MYRIP: variants seen among roughly 807,000 people sequenced by gnomAD.
MYRIP encodes the protein rab effector MyRIP.
MYRIP carries 49 observed loss-of-function variants against 98.0 expected under a neutral mutation model. That is an observed-to-expected ratio of 0.50 (90% CI 0.40 to 0.63). The LOEUF is 0.63. Ranked by LOEUF, MYRIP falls within the 30% of genes least tolerant of loss-of-function variation. The probability of loss-of-function intolerance (pLI) is 0.00; values close to 1 mark genes in which losing one functional copy is unlikely to be tolerated. For synonymous variants in MYRIP, 404 were observed against 409.5 expected (o/e 0.99, Z 0.16); for missense variants, 1,004 against 1,058.2 (o/e 0.95, Z 0.71).
At chr3:39,981,509 G>A (rs1559547123) in intron 2 of MYRIP, among the ~76,000 whole-genome samples, 1 of 152,034 alleles carries the variant, frequency 6.6e-6, no homozygotes, top group Non-Finnish European at 1.5e-5. Context: ...AGCAAATATG[G>A]GGAGGTCATC....
Position 40,044,049 on chromosome 3 carries a change from G to C in MYRIP, c.111-1G>C. The C allele has an allele frequency of 6.2e-7, 1 of 1,613,442 alleles. No homozygotes were observed. Among genetic ancestry groups the C allele is most frequent in the Non-Finnish European group, 8.5e-7 (1 of 1,179,660 alleles). Reference sequence around the variant, plus strand: ...CCATTTCCCCTACCTTGGTTTCCCAGTGAGCTGAAGCAGAAGCTGGATGAG... The same window carrying C: ...CCATTTCCCCTACCTTGGTTTCCCACTGAGCTGAAGCAGAAGCTGGATGAG... On this transcript the variant is annotated splice_acceptor_variant, in intron 2 of 16. Coordinates refer to ENST00000302541, the MANE Select transcript of MYRIP (RefSeq NM_015460.4). LOFTEE classifies it high-confidence loss of function.
chr3:40,058,766 T>A (rs10510706), intron 3 of MYRIP, among the ~76,000 whole-genome samples: 44,132 of 151,980 alleles, frequency 0.29, 6,494 homozygotes, highest in East Asian at 0.36. Context: ...TTTCAATATG[T>A]CTATACGGAT....
intron 2 of MYRIP, among the ~76,000 whole-genome samples, chr3:39,966,671 A>G (rs1945450662): frequency 6.6e-6 from 1 of 152,198 alleles, no homozygotes; most frequent in South Asian, 2.1e-4. Context: ...CTGAAAGCAT[A>G]AAGAGAATGC....
At chr3:39,865,429 G>A (rs1206564795) in intron 1 of MYRIP, among the ~76,000 whole-genome samples, 1 of 152,008 alleles carries the variant, frequency 6.6e-6, no homozygotes, top group Non-Finnish European at 1.5e-5. Flanking sequence ...CTATGCATCT[G>A]GTAATGGTCT....
chr3:40,021,595 T>C (rs923191144), intron 2 of MYRIP, among the ~76,000 whole-genome samples: 4 of 152,218 alleles, frequency 2.6e-5, no homozygotes, highest in Admixed American at 2.6e-4. Flanking sequence ...TCTTGGGAGA[T>C]AGTTTTTTTG....
intron 12 of MYRIP, among the ~76,000 whole-genome samples, chr3:40,239,387 T>C (rs891114959): frequency 6.7e-6 from 1 of 149,818 alleles, no homozygotes; most frequent in Non-Finnish European, 1.5e-5. Flanking sequence ...TGTGTCTTTA[T>C]AGCAGCATGA....
At chr3:40,166,267 A>G (rs1335002299) in intron 5 of MYRIP, among the ~76,000 whole-genome samples, 1 of 152,232 alleles carries the variant, frequency 6.6e-6, no homozygotes, top group Non-Finnish European at 1.5e-5. Context: ...AATAAAGCAT[A>G]ATCTTTATCT....
chr3:40,230,281 C>T lies in MYRIP; in HGVS notation c.1906-3578C>T, dbSNP rs545554097. Among the ~76,000 whole-genome samples the T allele has an allele frequency of 3.2e-4, 48 of 152,320 alleles. No homozygotes were observed. The South Asian group carries it at 1.0e-2, about 32-fold the overall frequency. On this transcript the variant is annotated intron_variant, in intron 11 of 16. Coordinates refer to ENST00000302541, the MANE Select transcript of MYRIP (RefSeq NM_015460.4). ...TCGTGCTTTGTGCCATTCAGCTCAT[C>T]CCTCTGGGGCTGTAAGCAATAGAAA... is the stretch of plus-strand genomic sequence containing the variant.
chr3:39,880,814 A>G (rs564542877), intron 1 of MYRIP, among the ~76,000 whole-genome samples: 1 of 152,250 alleles, frequency 6.6e-6, no homozygotes, highest in Non-Finnish European at 1.5e-5. Context: ...TGATTGATAT[A>G]TTTTGATGTC....
At chr3:39,832,287 A>C (rs553691725) in intron 1 of MYRIP, among the ~76,000 whole-genome samples, 1 of 152,336 alleles carries the variant, frequency 6.6e-6, no homozygotes, top group South Asian at 2.1e-4. Flanking sequence ...CTTCTCAAAT[A>C]ATTATCTTTT....
intron 2 of MYRIP, among the ~76,000 whole-genome samples, chr3:40,018,494 TATC>T (rs1946919467): frequency 6.6e-6 from 1 of 152,194 alleles, no homozygotes; most frequent in Non-Finnish European, 1.5e-5. Context: ...GTGTTCCCCT[TATC>T]ATATGGGTTA....
intron 1 of MYRIP, among the ~76,000 whole-genome samples, chr3:39,876,696 T>C (rs2125637910): frequency 6.6e-6 from 1 of 152,250 alleles, no homozygotes; most frequent in African/African-American, 2.4e-5. Flanking sequence ...TTGTAGAGTT[T>C]CTGCCGAGAG....
intron 4 of MYRIP, among the ~76,000 whole-genome samples, chr3:40,157,106 A>G (rs1950262158): frequency 6.8e-6 from 1 of 147,520 alleles, no homozygotes; most frequent in African/African-American, 2.5e-5. Flanking sequence ...GTTTTTGCCC[A>G]TTCAGTATGA....
chr3:40,182,108 C>A, intron 8 of MYRIP, 112 bp from the exon 9 acceptor site: 1 of 1,182,020 alleles, frequency 8.5e-7, no homozygotes. Flanking sequence ...GAGCCATTAC[C>A]ATTAAACATG....
chr3:40,259,064 T>A lies in MYRIP; in HGVS notation c.*898T>A, dbSNP rs963637991. On this transcript the variant is annotated 3_prime_UTR_variant, in exon 17 of 17. Transcript: ENST00000302541. ...GCAGAGAAAAACCACATGAGAAAATTTTTGTACTCCAAATTTACTTCCCAA... is the reference window on the plus strand; with the variant it reads ...GCAGAGAAAAACCACATGAGAAAATATTTGTACTCCAAATTTACTTCCCAA... 2 of 152,122 alleles carry A rather than the reference T, an allele frequency of 1.3e-5. No individual in the cohort carries two copies. Among genetic ancestry groups the A allele is most frequent in the Non-Finnish European group, 2.9e-5 (2 of 68,034 alleles). The allele number at this position is 152,122 out of a possible 1,614,324, so 9.4% of individuals were successfully genotyped here.
At chr3:39,907,291 GTAAA>G (rs1041854543) in intron 2 of MYRIP, among the ~76,000 whole-genome samples, 2 of 152,178 alleles carry the variant, frequency 1.3e-5, no homozygotes, top group African/African-American at 4.8e-5. Flanking sequence ...ATTAAAATAA[GTAAA>G]TAGACTGTCA....
chr3:40,025,115 C>A (rs958017939), intron 2 of MYRIP, among the ~76,000 whole-genome samples: 1 of 152,166 alleles, frequency 6.6e-6, no homozygotes, highest in African/African-American at 2.4e-5. Flanking sequence ...GTTGACTGAG[C>A]TACTCGCTGA....
chr3:39,919,725 T>TGAGA lies in MYRIP; in HGVS notation c.110+18800_110+18801insAGAG, dbSNP rs1338639798. 3.1e-3 allele frequency among the ~76,000 whole-genome samples: 445 copies of TGAGA among 143,928 alleles called. 2 individuals carry two copies. Among genetic ancestry groups the TGAGA allele is most frequent in the African/African-American group, 0.01 (384 of 37,080 alleles). 94.4% of individuals were successfully genotyped at this position (143,928 alleles called of 152,430 possible). A position where few individuals can be genotyped will look rare whatever the true frequency, so the allele number is the denominator to read the frequency against. On this transcript the variant is annotated intron_variant, in intron 2 of 16. Transcript: ENST00000302541. Reference sequence around the variant, plus strand: ...GTGTGTGTGTGTGTGTGTGTGTGTGTGTGAGAGAGAGAGAGAGAGAGAGAA... The same window carrying TGAGA: ...GTGTGTGTGTGTGTGTGTGTGTGTGTGAGAGTGAGAGAGAGAGAGAGAGAGAGAA...
At chr3:40,153,283 T>C (rs1950157265) in intron 4 of MYRIP, among the ~76,000 whole-genome samples, 1 of 152,122 alleles carries the variant, frequency 6.6e-6, no homozygotes, top group South Asian at 2.1e-4. Flanking sequence ...TATAAAGCCA[T>C]GGTCATAAAA....
Sources: allele counts gnomAD v4.1 joint callset (sites outside exome capture counted in the v4.1 genomes callset), GRCh38; gene constraint gnomAD v4.1.1; transcripts MANE v1.5; gene names NCBI Gene and HGNC (gene_info 2026-07-23, HGNC 2026-07-21).